The following YPEL5 variants were observed in gnomAD, a reference collection of about 807,000 sequenced individuals.
The protein encoded by YPEL5 is yippee like 5, also known as protein yippee-like 5.
YPEL5 carries 1 observed loss-of-function variant against 10.5 expected under a neutral mutation model. The ratio of observed to expected loss-of-function variants is 0.10; its 90% confidence interval spans 0.03 to 0.45. The LOEUF (loss-of-function observed/expected upper bound fraction) is 0.45. YPEL5 is among the 20% of genes least tolerant of loss of function. The pLI is 0.97. For synonymous variants in YPEL5, 61 were observed against 56.6 expected, an observed-to-expected ratio of 1.08 and a Z score of -0.35; for missense variants, 68 against 159.3, an observed-to-expected ratio of 0.43 and a Z score of 3.09.
intron 1 of YPEL5, chr2:30,148,108 A>T (rs1436220536): frequency 2.6e-5 from 4 of 152,266 alleles, no homozygotes; most frequent in Non-Finnish European, 5.9e-5. Context: ...GGGACAAATG[A>T]GTGTCCGGAT....
At chr2:30,154,761 C>T (rs534235355) in intron 1 of YPEL5, among the ~76,000 whole-genome samples, 38 of 152,220 alleles carry the variant, frequency 2.5e-4, no homozygotes, top group South Asian at 1.0e-3. Flanking sequence ...TTTTTTGAGA[C>T]GGAGTCTTGC....
intron 1 of YPEL5, among the ~76,000 whole-genome samples, chr2:30,149,445 T>C (rs913804917): frequency 6.6e-6 from 1 of 152,242 alleles, no homozygotes; most frequent in Non-Finnish European, 1.5e-5. Flanking sequence ...GCACAAAAAT[T>C]GGAAAGTTGA....
intron 1 of YPEL5, chr2:30,148,172 A>G (rs1172183877): frequency 6.6e-6 from 1 of 152,230 alleles, no homozygotes; most frequent in Non-Finnish European, 1.5e-5. Context: ...CCTGATACCA[A>G]CTAATCTCCC....
intron 1 of YPEL5, among the ~76,000 whole-genome samples, chr2:30,148,992 G>C (rs1443817116): frequency 6.6e-6 from 1 of 152,214 alleles, no homozygotes; most frequent in East Asian, 1.9e-4. Context: ...ACCTTAGCTA[G>C]ACCTGAAGTT....
chr2:30,156,508 G>A (rs1438952437), intron 1 of YPEL5, 120 bp from the exon 2 acceptor site: 25 of 904,556 alleles, frequency 2.8e-5, no homozygotes, highest in Non-Finnish European at 3.7e-5. Flanking sequence ...TTCACACATC[G>A]AGTACTACAA....
In YPEL5 at chr2:30,147,381, GC is replaced by G. The variant is rs1675473627; in HGVS notation, c.-25+322del. On this transcript the variant is annotated intron_variant, in intron 1 of 2. Coordinates refer to ENST00000261353, the MANE Select transcript of YPEL5 (RefSeq NM_016061.3). ...AACAGCCGCAACCCCTCCGCGCGGC[GC>G]CCGCGCCTCCGCCCCGTTTCCCCGT... is the stretch of plus-strand genomic sequence containing the variant. The G allele has an allele frequency of 2.0e-5, 3 of 148,234 alleles. No homozygotes were observed. The South Asian group carries it at 6.2e-4, about 31-fold the overall frequency. The allele number at this position is 148,234 out of a possible 1,614,324, so 9.2% of individuals were successfully genotyped here.
intron 2 of YPEL5, 128 bp from the exon 3 acceptor site, chr2:30,158,491 G>C: frequency 1.1e-6 from 1 of 875,290 alleles, no homozygotes; most frequent in East Asian, 2.6e-5. Flanking sequence ...GCGTATTATA[G>C]GTTTGACTAA....
rs1361493718 is a variant in YPEL5, at chr2:30,156,649, A to C, written c.-3A>C. The C allele has an allele frequency of 6.8e-6, 11 of 1,613,786 alleles. No individual in the cohort carries two copies. Among genetic ancestry groups the C allele is most frequent in the Non-Finnish European group, 9.3e-6 (11 of 1,179,956 alleles). On this transcript the variant is annotated 5_prime_UTR_variant, in exon 2 of 3. Transcript: ENST00000261353. Reference sequence around the variant, plus strand: ...CTAGGTTTTTAGAACTTCAGCCATAAAAATGGGCAGAATTTTCCTTGATCA... The same window carrying C: ...CTAGGTTTTTAGAACTTCAGCCATACAAATGGGCAGAATTTTCCTTGATCA...
chr2:30,152,438 G>C (rs1558356230), intron 1 of YPEL5, among the ~76,000 whole-genome samples: 1 of 152,204 alleles, frequency 6.6e-6, no homozygotes, highest in Non-Finnish European at 1.5e-5. Flanking sequence ...ACTTCCAAAA[G>C]TGATTTAGGA....
intron 1 of YPEL5, chr2:30,155,703 C>T (rs1214121078): frequency 6.6e-6 from 1 of 152,146 alleles, no homozygotes; most frequent in African/African-American, 2.4e-5. Flanking sequence ...TAAAGTGTTA[C>T]CCTAGTTTCA....
chr2:30,148,995 C>G (rs1374533680), intron 1 of YPEL5, among the ~76,000 whole-genome samples: 4 of 152,124 alleles, frequency 2.6e-5, no homozygotes, highest in Non-Finnish European at 5.9e-5. Flanking sequence ...TTAGCTAGAC[C>G]TGAAGTTGCT....
rs1267839161 is a variant in YPEL5, at chr2:30,160,416, GCATTCATTTC to G, written c.*1587_*1596del. On this transcript the variant is annotated 3_prime_UTR_variant, in exon 3 of 3. Coordinates refer to ENST00000261353, the MANE Select transcript of YPEL5 (RefSeq NM_016061.3). Reference sequence around the variant, plus strand: ...CCATGGACTCAATCTGAGAACAACAGCATTCATTTCCATTCATTTCCATACTGGCTTTTGA... The same window carrying G: ...CCATGGACTCAATCTGAGAACAACAGCATTCATTTCCATACTGGCTTTTGA... 4.6e-5 allele frequency: 7 copies of G among 152,178 alleles called. No homozygotes were observed. The highest frequency in any genetic ancestry group is 3.9e-4 in the East Asian group (2 of 5,192). The allele number at this position is 152,178 out of a possible 1,614,324, so 9.4% of individuals were successfully genotyped here. A position where few individuals can be genotyped will look rare whatever the true frequency, so the allele number is the denominator to read the frequency against.
intron 1 of YPEL5, among the ~76,000 whole-genome samples, chr2:30,151,149 A>G (rs1251490647): frequency 6.6e-6 from 1 of 152,204 alleles, no homozygotes; most frequent in African/African-American, 2.4e-5. Context: ...GTGTATGTGT[A>G]AAATAAACCA....
Position 30,158,671 on chromosome 2 carries a change from G to A in YPEL5, c.194G>A (p.Arg65His), listed in dbSNP as rs1676149375. ...EVQDRVMLTG[R>H]HMVRDVSCKN... Reference sequence around the variant, plus strand: ...CAAGATCGGGTCATGCTCACTGGCCGCCACATGGTTCGAGATGTGAGCTGC... The same window carrying A: ...CAAGATCGGGTCATGCTCACTGGCCACCACATGGTTCGAGATGTGAGCTGC... Residue 65 changes from arginine (R) to histidine (H), a missense_variant, in exon 3 of 3, where the codon CGC becomes CAC. By Grantham distance (29) the Arg-to-His change is conservative. This residue lies in a region of YPEL5 where 48 missense variants were observed against 138.4 expected (regional missense o/e 0.35). Transcript: ENST00000261353. 4 of 1,614,042 alleles carry A rather than the reference G, an allele frequency of 2.5e-6. No homozygotes were observed. The highest frequency in any genetic ancestry group is 3.4e-6 in the Non-Finnish European group (4 of 1,180,042).
chr2:30,150,084 A>G (rs1052922079), intron 1 of YPEL5, among the ~76,000 whole-genome samples: 2 of 152,250 alleles, frequency 1.3e-5, no homozygotes, highest in African/African-American at 2.4e-5. Flanking sequence ...TTTAAGACCC[A>G]GAACTGTGAC....
At chr2:30,150,948 T>C (rs1199258858) in intron 1 of YPEL5, among the ~76,000 whole-genome samples, 1 of 152,170 alleles carries the variant, frequency 6.6e-6, no homozygotes, top group African/African-American at 2.4e-5. Flanking sequence ...CAAGTGTGAA[T>C]GTCATATATC....
intron 2 of YPEL5, 73 bp from the exon 3 acceptor site, chr2:30,158,546 C>A: frequency 7.0e-7 from 1 of 1,426,054 alleles, no homozygotes; most frequent in Non-Finnish European, 9.8e-7. Context: ...GTTGCATTAA[C>A]CATAATATTT....
At chr2:30,157,340 G>A (rs544960460) in intron 2 of YPEL5, among the ~76,000 whole-genome samples, 1 of 151,894 alleles carries the variant, frequency 6.6e-6, no homozygotes, top group Non-Finnish European at 1.5e-5. Flanking sequence ...AATGTTCAGT[G>A]TAAGAATTTG....
intron 2 of YPEL5, among the ~76,000 whole-genome samples, chr2:30,157,881 A>G (rs1431650191): frequency 6.6e-6 from 1 of 152,254 alleles, no homozygotes; most frequent in African/African-American, 2.4e-5. Context: ...GTAATGGAAC[A>G]CAGCTCTGCT....
Sources: allele counts gnomAD v4.1 joint callset (sites outside exome capture counted in the v4.1 genomes callset), GRCh38; gene constraint gnomAD v4.1.1; regional missense constraint gnomAD v4.1.1; transcripts MANE v1.5; gene names NCBI Gene and HGNC (gene_info 2026-07-23, HGNC 2026-07-21).